Variants in OSBP2 observed in about 807,000 individuals in gnomAD.
OSBP2 encodes oxysterol binding protein 2, also known as oxysterol-binding protein 2.
OSBP2 carries 66 observed loss-of-function variants against 96.0 expected under a neutral mutation model. That is an observed-to-expected ratio of 0.69 (90% confidence interval 0.56 to 0.84). The LOEUF is 0.84. OSBP2 is among the 40% of genes least tolerant of loss of function. The probability of loss-of-function intolerance (pLI) is 0.00; values close to 1 mark genes in which losing one functional copy is unlikely to be tolerated. For missense variants in OSBP2, 1,038 were observed against 1,222.7 expected (o/e 0.85, Z 2.25); for synonymous variants, 525 against 520.9 (o/e 1.01, Z -0.11).
At position 30,741,318 on chromosome 22, in the gene OSBP2, G is replaced by T. The variant is rs372468624; in HGVS notation, c.802G>T (p.Ala268Ser). Residue 268 changes from alanine (A) to serine (S), a missense_variant, in exon 2 of 14, where the codon GCC becomes TCC. Around this residue, in one of 3 missense-constraint regions of OSBP2, gnomAD observed 737 missense variants for 913.3 expected, o/e 0.81. Coordinates refer to ENST00000332585, the MANE Select transcript of OSBP2 (RefSeq NM_030758.4). ...SEVDRQQWIT[A>S]LELAKAKAVR... ...GGTGGACCGGCAGCAGTGGATCACC[G>T]CCCTGGAGCTGGCCAAGGCCAAGGC... is the stretch of plus-strand genomic sequence containing the variant. The T allele has an allele frequency of 6.2e-7, 1 of 1,613,414 alleles. No homozygotes were observed. The highest frequency in any genetic ancestry group is 8.5e-7 in the Non-Finnish European group (1 of 1,180,032).
At chr22:30,866,902 A>G (rs1044315424) in intron 2 of OSBP2, among the ~76,000 whole-genome samples, 10 of 152,190 alleles carry the variant, frequency 6.6e-5, no homozygotes, top group African/African-American at 2.4e-4. Flanking sequence ...GAGTTTACTC[A>G]TGTGGAGGCC....
At chr22:30,905,202 A>G (rs1282666004) in intron 12 of OSBP2, among the ~76,000 whole-genome samples, 2 of 129,238 alleles carry the variant, frequency 1.5e-5, no homozygotes, top group African/African-American at 3.0e-5. Context: ...CTGGAGTGCA[A>G]TGGTGTGATC....
intron 3 of OSBP2, chr22:30,872,613 C>A (rs1334106861): frequency 5.6e-6 from 2 of 353,996 alleles, no homozygotes; most frequent in Non-Finnish European, 1.1e-5. Flanking sequence ...GTGACGGAAG[C>A]TGTGCCCTGG....
chr22:30,738,528 A>G (rs959875545), intron 1 of OSBP2, among the ~76,000 whole-genome samples: 2 of 152,104 alleles, frequency 1.3e-5, no homozygotes, highest in East Asian at 1.9e-4. Flanking sequence ...GGAATTGGAA[A>G]AGACAATCGC....
At chr22:30,864,353 C>T (rs544384108) in intron 2 of OSBP2, among the ~76,000 whole-genome samples, 13 of 152,260 alleles carry the variant, frequency 8.5e-5, no homozygotes, top group Admixed American at 6.5e-4. Context: ...GCCTGAGGGC[C>T]CCAGGCACTG....
intron 1 of OSBP2, among the ~76,000 whole-genome samples, chr22:30,734,675 A>C (rs1164774132): frequency 1.3e-5 from 2 of 152,200 alleles, no homozygotes; most frequent in African/African-American, 2.4e-5. Context: ...GCCATTGAAA[A>C]ATTTTTAAAA....
chr22:30,717,091 T>TGTGC (rs1491387100), intron 1 of OSBP2, among the ~76,000 whole-genome samples: 1 of 64,292 alleles, frequency 1.6e-5, no homozygotes, highest in Non-Finnish European at 3.3e-5. Flanking sequence ...TTACTGTTTT[T>TGTGC]GTGTGTGTGT....
chr22:30,890,676 A>T lies in OSBP2; in HGVS notation c.1624-52A>T. ...AACATCCGAGAAAAGCAAGGGCACC[A>T]TGCCAAGCCGGGGCTGGTGCCCAGC... On this transcript the variant is annotated intron_variant, in intron 7 of 13. Transcript: ENST00000332585. This position sits in a 1 kb window ranked among gnomAD's most constrained non-coding sequence, Gnocchi z 4.4. 2 of 1,597,366 alleles carry T rather than the reference A, an allele frequency of 1.3e-6. No homozygotes were observed. Among genetic ancestry groups the T allele is most frequent in the East Asian group, 4.5e-5 (2 of 44,704 alleles).
chr22:30,740,099 C>G (rs1207819867), intron 1 of OSBP2, among the ~76,000 whole-genome samples: 3 of 152,150 alleles, frequency 2.0e-5, no homozygotes, highest in Admixed American at 6.6e-5. Context: ...CCCATCTCGG[C>G]CTCCCAAAGT....
intron 2 of OSBP2, among the ~76,000 whole-genome samples, chr22:30,760,825 GA>G (rs796413958): frequency 6.7e-4 from 91 of 136,218 alleles, no homozygotes; most frequent in African/African-American, 2.2e-3. Flanking sequence ...CTCAAAAAAA[GA>G]AAAAAAAAAG....
intron 1 of OSBP2, among the ~76,000 whole-genome samples, chr22:30,706,646 C>A (rs1259752316): frequency 1.3e-5 from 2 of 152,176 alleles, no homozygotes; most frequent in Non-Finnish European, 2.9e-5. Flanking sequence ...GCGTGATAGT[C>A]ACTGTCCTTC....
At chr22:30,865,101 T>C (rs1392993390) in intron 2 of OSBP2, among the ~76,000 whole-genome samples, 1 of 152,136 alleles carries the variant, frequency 6.6e-6, no homozygotes, top group Non-Finnish European at 1.5e-5. Context: ...CTTCTAAAAA[T>C]AGCCCACCTG....
intron 1 of OSBP2, among the ~76,000 whole-genome samples, chr22:30,728,444 T>G (rs1025351422): frequency 3.9e-5 from 6 of 151,918 alleles, no homozygotes; most frequent in African/African-American, 1.5e-4. Flanking sequence ...AGTGCACGGC[T>G]GTTTTTGCTC....
chr22:30,888,306 TTCA>T lies in OSBP2; in HGVS notation c.1388_1390del (p.Ile463del), dbSNP rs774329326. On this transcript the variant is annotated inframe_deletion, in exon 5 of 14. Transcript: ENST00000332585. ...TGATGCCATGGAAGACTCCACATCCTTCATCACCGTGATCACCGAGGCCAAGGA... is the reference window on the plus strand; with the variant it reads ...TGATGCCATGGAAGACTCCACATCCTTCACCGTGATCACCGAGGCCAAGGA... 2 of 1,613,282 alleles carry T rather than the reference TTCA, an allele frequency of 1.2e-6. No homozygotes were observed. The highest frequency in any genetic ancestry group is 1.1e-5 in the South Asian group (1 of 91,070).
chr22:30,840,567 C>T (rs1302554799), intron 2 of OSBP2, among the ~76,000 whole-genome samples: 2 of 152,170 alleles, frequency 1.3e-5, no homozygotes, highest in Non-Finnish European at 2.9e-5. Context: ...TGCCCCTTAC[C>T]AGATGTGTAC....
chr22:30,867,973 G>A (rs971382402), intron 2 of OSBP2, among the ~76,000 whole-genome samples: 1 of 152,244 alleles, frequency 6.6e-6, no homozygotes, highest in Non-Finnish European at 1.5e-5. Context: ...GGAAGATGAC[G>A]TGTGCCTCAG....
chr22:30,831,621 T>A (rs1325405235), intron 2 of OSBP2, among the ~76,000 whole-genome samples: 1 of 152,116 alleles, frequency 6.6e-6, no homozygotes, highest in Non-Finnish European at 1.5e-5. Context: ...TATTAAGAAT[T>A]TCAAGACAGC....
chr22:30,904,267 G>A (rs181565836), intron 12 of OSBP2, among the ~76,000 whole-genome samples: 87 of 152,216 alleles, frequency 5.7e-4, no homozygotes, highest in South Asian at 2.1e-3. Flanking sequence ...CAAGCCCTCC[G>A]CAATCCACAG....
intron 1 of OSBP2, among the ~76,000 whole-genome samples, chr22:30,698,951 G>GT (rs147401148): frequency 0.064 from 9,650 of 150,976 alleles, 439 homozygotes; most frequent in Non-Finnish European, 0.093. Context: ...TGCAATTTTT[G>GT]TTTTTTTTGA....
Sources: allele counts gnomAD v4.1 joint callset (sites outside exome capture counted in the v4.1 genomes callset), GRCh38; gene constraint gnomAD v4.1.1; regional missense constraint gnomAD v4.1.1; non-coding constraint Gnocchi (gnomAD v3.1); transcripts MANE v1.5; gene names NCBI Gene and HGNC (gene_info 2026-07-23, HGNC 2026-07-21).